COL6A3: variants seen among roughly 807,000 people sequenced by gnomAD.
COL6A3 encodes collagen alpha-3(VI) chain.
Under a neutral mutation model 274.1 loss-of-function variants are expected in COL6A3, and 137 were observed. The observed-to-expected ratio is 0.50, with a 90% confidence interval of 0.44 to 0.58. The LOEUF (loss-of-function observed/expected upper bound fraction) is 0.58, where lower values mean the gene tolerates loss of function less well. COL6A3 is among the 20% of genes least tolerant of loss of function. The pLI is 0.00. For synonymous variants in COL6A3, 1,650 were observed against 1,650.6 expected (o/e 1.00, Z 0.01); for missense variants, 3,950 against 4,124.9 (o/e 0.96, Z 1.16).
intron 27 of COL6A3, 141 bp from the exon 28 acceptor site, chr2:237,350,350 T>C (rs999129455): frequency 2.1e-5 from 16 of 775,778 alleles, no homozygotes; most frequent in Middle Eastern, 2.2e-4. Context: ...ATTTTCTAAA[T>C]TGCAACATTC....
rs398124136 is a variant in COL6A3, at chr2:237,340,432, C to T, written c.8464+20G>A. 9 of 1,603,182 alleles carry T rather than the reference C, an allele frequency of 5.6e-6. No homozygotes were observed. Among genetic ancestry groups the T allele is most frequent in the Middle Eastern group, 1.8e-4 (1 of 5,536 alleles). ...GCATAAAGCCAGGCCAGGGCACATGCTGTGCCACGCAGGACTTACTGCTGA... is the reference window on the plus strand; with the variant it reads ...GCATAAAGCCAGGCCAGGGCACATGTTGTGCCACGCAGGACTTACTGCTGA... On this transcript the variant is annotated intron_variant, in intron 38 of 43. Transcript: ENST00000295550.
At chr2:237,395,349 C>A in intron 2 of COL6A3, 145 bp from the exon 3 acceptor site, 1 of 873,072 alleles carries the variant, frequency 1.1e-6, no homozygotes, top group East Asian at 2.7e-5. Flanking sequence ...AAGGTAGACT[C>A]ACTTACCTGG....
rs78239843 is a variant in COL6A3 at position 237,367,310 on chromosome 2, A to T, written c.4901-24T>A. ...CTCTAGAAGTGATTAAAGTGAAAATAAGGAGAGATTAGGTTTCCAGACCCA... is the reference window on the plus strand; with the variant it reads ...CTCTAGAAGTGATTAAAGTGAAAATTAGGAGAGATTAGGTTTCCAGACCCA... On this transcript the variant is annotated intron_variant, in intron 10 of 43. Transcript: ENST00000295550. The T allele has an allele frequency of 3.9e-4, 627 of 1,605,998 alleles. 4 individuals are homozygous for T. In the East Asian group the frequency reaches 0.013, roughly 34 times the overall value.
rs755107871 is a variant in COL6A3, at chr2:237,364,315, T to C, written c.5917+35A>G. On this transcript the variant is annotated intron_variant, in intron 13 of 43. Coordinates refer to ENST00000295550, the MANE Select transcript of COL6A3 (RefSeq NM_004369.4). This position sits in a 1 kb window ranked among gnomAD's most constrained non-coding sequence, Gnocchi z 4.6. The stretch of plus-strand genomic sequence containing the variant: ...AGCAGTACACCCCGCCTCACCAGGG[T>C]TTACTTCTCATATTTAGAAAGCCTT... 6.4e-7 allele frequency: 1 copy of C among 1,553,440 alleles called. No individual in the cohort carries two copies. The highest frequency in any genetic ancestry group is 1.1e-5 in the South Asian group (1 of 89,906).
intron 24 of COL6A3, among the ~76,000 whole-genome samples, chr2:237,354,139 G>A (rs1346974885): frequency 1.3e-5 from 2 of 151,680 alleles, no homozygotes; most frequent in African/African-American, 4.9e-5. Context: ...AGGCTCCTGA[G>A]TAGCTGGAAT....
In COL6A3 at chr2:237,395,124, C is replaced by G. The variant is rs2078401683; in HGVS notation, c.172G>C (p.Val58Leu). The G allele has an allele frequency of 1.2e-6, 2 of 1,613,900 alleles. No homozygotes were observed. Among genetic ancestry groups the G allele is most frequent in the East Asian group, 2.2e-5 (1 of 44,900 alleles). The change falls in exon 3 of 44, where the codon GTT becomes CTT. Residue 58 changes from valine (V) to leucine (L), a missense_variant. Physicochemically the swap from Val to Leu is conservative, Grantham distance 32. Coordinates refer to ENST00000295550, the MANE Select transcript of COL6A3 (RefSeq NM_004369.4). Reference sequence around the variant, plus strand: ...ACAACATCATATAGAAACTCTCGAACAAGTTGGAAATGTTCCTCTCCAATG... The same window carrying G: ...ACAACATCATATAGAAACTCTCGAAGAAGTTGGAAATGTTCCTCTCCAATG... The part of the protein sequence containing the change: ...WTIGEEHFQL[V>L]REFLYDVVKS...
At position 237,413,641 on chromosome 2, in the gene COL6A3, T is replaced by C. The variant is rs1011953143; in HGVS notation, c.-31+312A>G. Among the ~76,000 whole-genome samples the C allele has an allele frequency of 6.6e-6, 1 of 152,132 alleles. No homozygotes were observed. The highest frequency in any genetic ancestry group is 1.5e-5 in the Non-Finnish European group (1 of 68,030). On this transcript the variant is annotated intron_variant, in intron 1 of 43. Transcript: ENST00000295550. The surrounding 1 kb of genome is among the most constrained non-coding windows in gnomAD (Gnocchi z 4.0). ...ATGGGTTTTAGAAGGCGGCAGTAAC[T>C]TAAATAAATCATGGGCCGAAACACA...
At chr2:237,401,180 G>A (rs2078580226) in intron 1 of COL6A3, among the ~76,000 whole-genome samples, 1 of 152,174 alleles carries the variant, frequency 6.6e-6, no homozygotes, top group African/African-American at 2.4e-5. Context: ...TCCATCGTAT[G>A]AATGTTCCTC....
intron 1 of COL6A3, among the ~76,000 whole-genome samples, chr2:237,408,979 C>A (rs577680858): frequency 3.3e-5 from 5 of 152,096 alleles, no homozygotes; most frequent in African/African-American, 1.2e-4. Context: ...GGAAGAGTAC[C>A]TTTCTCCACA....
At chr2:237,366,573 T>C in intron 11 of COL6A3, 114 bp downstream of exon 11, 1 of 1,523,912 alleles carries the variant, frequency 6.6e-7, no homozygotes, top group Non-Finnish European at 9.1e-7. Flanking sequence ...TAAGTAAATG[T>C]ATGAAGCAAC....
chr2:237,378,952 A>C lies in COL6A3; in HGVS notation c.2181T>G (p.Tyr727Ter), dbSNP rs2077926454. The C allele has an allele frequency of 6.2e-7, 1 of 1,614,104 alleles. No homozygotes were observed. The highest frequency in any genetic ancestry group is 1.3e-5 in the African/African-American group (1 of 74,936). Residue 727 changes from tyrosine to a stop codon, truncating the protein, a stop_gained, in exon 6 of 44, where the codon TAT (tyrosine) becomes TAG (stop). Transcript: ENST00000295550. LOFTEE classifies it high-confidence loss of function. ...CGCCAGCTTCCGTGAAGTGGTTGGC[A>C]TAGACATAGCTTAGGGCTGAGCCTG... ...LNTGSALSYV[Y>*]ANHFTEAGGS... is the part of the protein sequence containing the mutation.
Position 237,340,692 on chromosome 2 carries a change from T to C in COL6A3, c.8224A>G (p.Met2742Val). Residue 2742 changes from methionine to valine, a missense_variant, in exon 38 of 44, where the codon ATG (methionine) becomes GTG (valine). This residue lies in a region of COL6A3 where 1,284 missense variants were observed against 1,349.7 expected (regional missense o/e 0.95). Transcript: ENST00000295550. ...TGCTCCGGCACCTCGCCCGTCAGCA[T>C]CAGGACCACAATTTTCAGGTCCCGT... ...NPRDLKIVVLMLTGEVPEQQL... is the reference protein window; with the variant it reads ...NPRDLKIVVLVLTGEVPEQQL... 1 of 1,614,218 alleles carries C rather than the reference T, an allele frequency of 6.2e-7. No homozygotes were observed. Among genetic ancestry groups the C allele is most frequent in the Non-Finnish European group, 8.5e-7 (1 of 1,180,036 alleles).
At chr2:237,358,650 A>T (rs2077370232) in intron 20 of COL6A3, 67 bp from the exon 21 acceptor site, 1 of 1,306,004 alleles carries the variant, frequency 7.7e-7, no homozygotes, top group Non-Finnish European at 1.1e-6. Flanking sequence ...CCTAAAAATC[A>T]CATTCTTCAA....
rs567072358 is a variant in COL6A3, at chr2:237,358,643, A to G, written c.6409-60T>C. 2.9e-6 allele frequency: 4 copies of G among 1,398,712 alleles called. No individual in the cohort carries two copies. The East Asian group carries it at 9.1e-5, about 32-fold the overall frequency. 86.6% of individuals were successfully genotyped at this position (1,398,712 alleles called of 1,614,324 possible). A position where few individuals can be genotyped will look rare whatever the true frequency, so the allele number is the denominator to read the frequency against. On this transcript the variant is annotated intron_variant, in intron 20 of 43. Transcript: ENST00000295550. The stretch of plus-strand genomic sequence containing the variant: ...GATGTTTCCATTTTTATCTCACCCT[A>G]AAAATCACATTCTTCAACTCATAAA...
chr2:237,348,309 C>T, intron 30 of COL6A3, 40 bp downstream of exon 30: 1 of 1,577,140 alleles, frequency 6.3e-7, no homozygotes, highest in Non-Finnish European at 8.7e-7. Context: ...AGAGCCATCC[C>T]AAAATCATGA....
intron 41 of COL6A3, among the ~76,000 whole-genome samples, chr2:237,334,056 A>C (rs1197731121): frequency 2.6e-5 from 4 of 152,228 alleles, no homozygotes; most frequent in Admixed American, 6.5e-5. Context: ...ATAATTAAGA[A>C]AAGCTGTGAC....
Position 237,325,657 on chromosome 2 carries a change from T to C in COL6A3, c.9396A>G (p.Pro3132=). The change falls in exon 43 of 44, where the codon CCA becomes CCG. Residue 3132 remains proline, a synonymous_variant. Coordinates refer to ENST00000295550, the MANE Select transcript of COL6A3 (RefSeq NM_004369.4). ...RDFILKWYYD[P]NTKSCARFWY... ...AGAATCTTGCACAGCTTTTGGTGTT[T>C]GGATCATAGTACCATTTTAATATGA... is the stretch of plus-strand genomic sequence containing the variant. 1 of 1,614,180 alleles carries C rather than the reference T, an allele frequency of 6.2e-7. No homozygotes were observed. Among genetic ancestry groups the C allele is most frequent in the Non-Finnish European group, 8.5e-7 (1 of 1,179,992 alleles).
In COL6A3 at chr2:237,380,986, C is replaced by G. The variant is rs149330325; in HGVS notation, c.1826G>C (p.Arg609Pro). ...SSLVFIPAEF[R>P]AAPLQGMLPG... is the part of the protein sequence containing the mutation. ...CAGCATGCCTTGCAATGGGGCGGCT[C>G]GGAACTCAGCTGGGATGAACACCAG... Residue 609 changes from arginine to proline, a missense_variant, in exon 5 of 44, where the codon CGA (arginine) becomes CCA (proline). Around this residue, in one of 5 missense-constraint regions of COL6A3, gnomAD observed 1,934 missense variants for 1,984.3 expected, o/e 0.97. Transcript: ENST00000295550. The G allele has an allele frequency of 1.9e-6, 3 of 1,614,060 alleles. No homozygotes were observed. The highest frequency in any genetic ancestry group is 2.5e-6 in the Non-Finnish European group (3 of 1,180,042).
rs1452938704 is a variant in COL6A3, at chr2:237,372,299, C to G, written c.3718G>C (p.Gly1240Arg). 6.2e-7 allele frequency: 1 copy of G among 1,611,224 alleles called. No homozygotes were observed. Among genetic ancestry groups the G allele is most frequent in the Non-Finnish European group, 8.5e-7 (1 of 1,180,024 alleles). ...AACTCAGGCCCGGCACTTTGGGACCCATCGATGAGAAAGACCACGTCCCTC... is the reference window on the plus strand; with the variant it reads ...AACTCAGGCCCGGCACTTTGGGACCGATCGATGAGAAAGACCACGTCCCTC... ...GKRDVVFLID[G>R]SQSAGPEFQY... The change falls in exon 9 of 44, where the codon GGG becomes CGG. Residue 1240 changes from glycine to arginine, a missense_variant. Around this residue, in one of 5 missense-constraint regions of COL6A3, gnomAD observed 1,934 missense variants for 1,984.3 expected, o/e 0.97. Coordinates refer to ENST00000295550, the MANE Select transcript of COL6A3 (RefSeq NM_004369.4).
Sources: gnomAD v4.1 joint callset for allele counts (sites outside exome capture counted in the v4.1 genomes callset) on GRCh38, gnomAD v4.1.1 for gene constraint, gnomAD v4.1.1 regional missense constraint, Gnocchi (gnomAD v3.1) non-coding constraint, MANE v1.5 for transcripts, NCBI Gene and HGNC (gene_info 2026-07-23, HGNC 2026-07-21) for gene names.